The following ZNRF2 variants were observed in gnomAD, a reference collection of about 807,000 sequenced individuals.
The protein encoded by ZNRF2 is E3 ubiquitin-protein ligase ZNRF2.
ZNRF2 carries 16 observed loss-of-function variants against 20.4 expected under a neutral mutation model. That is an observed-to-expected ratio of 0.79 (90% confidence interval 0.53 to 1.19). The LOEUF is 1.19. Among genes scored for constraint, ZNRF2 ranks in the 50% most tolerant of loss-of-function variants. The pLI is 0.00. For synonymous variants in ZNRF2, 178 were observed against 144.9 expected (o/e 1.23, Z -1.64); for missense variants, 363 against 332.4 (o/e 1.09, Z -0.72).
At chr7:30,313,401 G>C (rs1260509122) in intron 1 of ZNRF2, among the ~76,000 whole-genome samples, 1 of 152,132 alleles carries the variant, frequency 6.6e-6, no homozygotes, top group African/African-American at 2.4e-5. Context: ...TCATAGGCTA[G>C]TGGGCATTAT....
chr7:30,325,800 T>C (rs1326565058), intron 2 of ZNRF2, among the ~76,000 whole-genome samples: 1 of 152,214 alleles, frequency 6.6e-6, no homozygotes, highest in Non-Finnish European at 1.5e-5. Flanking sequence ...TATCCTAACC[T>C]TTTTGCATTA....
intron 2 of ZNRF2, among the ~76,000 whole-genome samples, chr7:30,344,887 G>C (rs1799853599): frequency 6.6e-6 from 1 of 152,120 alleles, no homozygotes; most frequent in African/African-American, 2.4e-5. Context: ...TTCTCTACTT[G>C]AGGACATTTT....
At chr7:30,296,051 T>C (rs1424028556) in intron 1 of ZNRF2, among the ~76,000 whole-genome samples, 1 of 152,248 alleles carries the variant, frequency 6.6e-6, no homozygotes, top group Non-Finnish European at 1.5e-5. Context: ...TGGTAAAAAC[T>C]TTGTAAATAT....
chr7:30,341,873 A>G (rs1179707962), intron 2 of ZNRF2, among the ~76,000 whole-genome samples: 5 of 152,072 alleles, frequency 3.3e-5, no homozygotes, highest in Non-Finnish European at 7.4e-5. Flanking sequence ...GTAGGTCTCT[A>G]AGAACTTACT....
intron 1 of ZNRF2, among the ~76,000 whole-genome samples, chr7:30,287,764 G>A (rs1211421747): frequency 6.6e-6 from 1 of 151,446 alleles, no homozygotes; most frequent in Non-Finnish European, 1.5e-5. Context: ...GCTTTCTGGA[G>A]ACAATTGTGC....
intron 1 of ZNRF2, among the ~76,000 whole-genome samples, chr7:30,302,259 G>A (rs1228894342): frequency 1.3e-5 from 2 of 152,148 alleles, no homozygotes; most frequent in East Asian, 1.9e-4. Flanking sequence ...TGGCTTAAAT[G>A]TTCTTTTGTA....
chr7:30,302,459 G>A (rs978966513), intron 1 of ZNRF2, among the ~76,000 whole-genome samples: 5 of 151,946 alleles, frequency 3.3e-5, no homozygotes, highest in Non-Finnish European at 5.9e-5. Flanking sequence ...AAAAACCTCC[G>A]TCTTTAAGAA....
chr7:30,288,496 A>G (rs1003067457), intron 1 of ZNRF2, among the ~76,000 whole-genome samples: 1 of 152,198 alleles, frequency 6.6e-6, no homozygotes, highest in Non-Finnish European at 1.5e-5. Context: ...AGCAAGTGGA[A>G]TTGTTAGTAG....
At chr7:30,295,537 C>A (rs1799005328) in intron 1 of ZNRF2, among the ~76,000 whole-genome samples, 1 of 152,140 alleles carries the variant, frequency 6.6e-6, no homozygotes. Flanking sequence ...TGGTGAAACC[C>A]AGGTTCTACC....
At chr7:30,308,054 T>C (rs1160015780) in intron 1 of ZNRF2, among the ~76,000 whole-genome samples, 1 of 152,166 alleles carries the variant, frequency 6.6e-6, no homozygotes, top group African/African-American at 2.4e-5. Flanking sequence ...ATGAAGCCCT[T>C]TTTTCCTCTT....
intron 2 of ZNRF2, among the ~76,000 whole-genome samples, chr7:30,338,514 GAAC>G (rs1169210412): frequency 6.8e-6 from 1 of 146,482 alleles, no homozygotes; most frequent in Non-Finnish European, 1.5e-5. Context: ...TTATGAGTGA[GAAC>G]ATGTGGTGTT....
chr7:30,349,489 T>G (rs767629266), intron 2 of ZNRF2, among the ~76,000 whole-genome samples: 1 of 152,108 alleles, frequency 6.6e-6, no homozygotes, highest in Non-Finnish European at 1.5e-5. Context: ...AGAGGTATTA[T>G]TTATTTCTAC....
intron 2 of ZNRF2, among the ~76,000 whole-genome samples, chr7:30,354,599 T>C (rs1800009136): frequency 6.6e-6 from 1 of 152,228 alleles, no homozygotes; most frequent in Non-Finnish European, 1.5e-5. Flanking sequence ...GGAATGGGCA[T>C]ATCAAACAAA....
chr7:30,339,749 T>A (rs1210861900), intron 2 of ZNRF2, among the ~76,000 whole-genome samples: 1 of 152,212 alleles, frequency 6.6e-6, no homozygotes, highest in East Asian at 1.9e-4. Context: ...CTCTATGGGC[T>A]CTTTTTTGGT....
In ZNRF2 at chr7:30,285,462, GGGC is replaced by G; in HGVS notation, c.114_116del (p.Gly40del). 8.8e-7 allele frequency: 1 copy of G among 1,130,370 alleles called. No individual in the cohort carries two copies. The highest frequency in any genetic ancestry group is 1.1e-6 in the Non-Finnish European group (1 of 920,964). The allele number at this position is 1,130,370 out of a possible 1,614,324, so 70.0% of individuals were successfully genotyped here. A position where few individuals can be genotyped will look rare whatever the true frequency, so the allele number is the denominator to read the frequency against. On this transcript the variant is annotated inframe_deletion, in exon 1 of 5. Coordinates refer to ENST00000323037, the MANE Select transcript of ZNRF2 (RefSeq NM_147128.4). ...GCAGCGGAGGCGCCAATGGGACCGC[GGGC>G]GGCGGCGGGGGCGCTCGGGCCGCCG... is the stretch of plus-strand genomic sequence containing the variant.
At chr7:30,358,298 T>C (rs1562622537) in intron 3 of ZNRF2, among the ~76,000 whole-genome samples, 1 of 152,156 alleles carries the variant, frequency 6.6e-6, no homozygotes, top group Admixed American at 6.5e-5. Context: ...TCTTAAACTA[T>C]AACATTAATG....
At chr7:30,359,182 G>A (rs1800085601) in intron 3 of ZNRF2, among the ~76,000 whole-genome samples, 1 of 152,076 alleles carries the variant, frequency 6.6e-6, no homozygotes. Context: ...AAAGTGGTGA[G>A]GAAAGAAAAT....
At chr7:30,353,234 T>C (rs567353604) in intron 2 of ZNRF2, among the ~76,000 whole-genome samples, 49 of 152,246 alleles carry the variant, frequency 3.2e-4, no homozygotes, top group Non-Finnish European at 6.3e-4. Flanking sequence ...GATCAGTGGC[T>C]ACAATATGTT....
intron 2 of ZNRF2, among the ~76,000 whole-genome samples, chr7:30,351,440 G>A (rs1260870621): frequency 1.3e-5 from 2 of 152,018 alleles, no homozygotes; most frequent in South Asian, 4.1e-4. Context: ...AATTGTGTAA[G>A]CAGTTAATTG....
Sources: allele counts gnomAD v4.1 joint callset (sites outside exome capture counted in the v4.1 genomes callset), GRCh38; gene constraint gnomAD v4.1.1; transcripts MANE v1.5; gene names NCBI Gene and HGNC (gene_info 2026-07-23, HGNC 2026-07-21).